DLGAP2: variants seen among roughly 807,000 people sequenced by gnomAD.
DLGAP2 encodes disks large-associated protein 2.
DLGAP2 carries 26 observed loss-of-function variants against 100.3 expected under a neutral mutation model. That is an observed-to-expected ratio of 0.26 (90% confidence interval 0.19 to 0.36). DLGAP2 has a LOEUF of 0.36. DLGAP2 is among the 10% of genes least tolerant of loss of function. The pLI, the probability that DLGAP2 is intolerant of heterozygous loss-of-function variation, is 1.00. For missense variants in DLGAP2, 1,858 were observed against 1,453.2 expected (o/e 1.28, Z -4.53); for synonymous variants, 886 against 630.1 (o/e 1.41, Z -6.08).
chr8:1,318,074 TTAAAAATA>T (rs1800806874), intron 3 of DLGAP2, among the ~76,000 whole-genome samples: 1 of 50,498 alleles, frequency 2.0e-5, no homozygotes, highest in Admixed American at 2.5e-4. Context: ...TCGTCAGTGT[TTAAAAATA>T]GAGCGTGTGC....
At chr8:1,086,685 G>C (rs758643571) in intron 2 of DLGAP2, among the ~76,000 whole-genome samples, 1 of 152,074 alleles carries the variant, frequency 6.6e-6, no homozygotes, top group East Asian at 1.9e-4. Flanking sequence ...AATGATAAAG[G>C]GGTTAATTCA....
In DLGAP2 at chr8:1,013,127, C is replaced by T. The variant is rs920465635; in HGVS notation, c.73+105161C>T. On this transcript the variant is annotated intron_variant, in intron 2 of 14. Coordinates refer to ENST00000637795, the MANE Select transcript of DLGAP2 (RefSeq NM_001346810.2). The stretch of plus-strand genomic sequence containing the variant: ...TCCATTATTATGTCTTTTCCCTGTT[C>T]CAGTTTTTGATCTAGTTACTGAAAG... Among the ~76,000 whole-genome samples, 8 of 152,268 alleles carry T rather than the reference C, an allele frequency of 5.3e-5. No individual in the cohort carries two copies. The East Asian group carries it at 1.2e-3, about 22-fold the overall frequency.
intron 3 of DLGAP2, among the ~76,000 whole-genome samples, chr8:1,447,694 C>G (rs1216304606): frequency 6.6e-6 from 1 of 152,150 alleles, no homozygotes; most frequent in East Asian, 1.9e-4. Context: ...TGGTAGAATT[C>G]GGCTGTGAAT....
chr8:738,473 G>A (rs997997723), intron 1 of DLGAP2: 1 of 152,252 alleles, frequency 6.6e-6, no homozygotes, highest in Non-Finnish European at 1.5e-5. Flanking sequence ...AGGAGCTCGG[G>A]GTCTTTTTTA....
intron 6 of DLGAP2, among the ~76,000 whole-genome samples, chr8:1,617,196 A>G (rs1797183585): frequency 6.6e-6 from 1 of 152,202 alleles, no homozygotes. Flanking sequence ...ATGAATGTGC[A>G]TGTGTTTTAA....
intron 1 of DLGAP2, among the ~76,000 whole-genome samples, chr8:808,732 C>G (rs945459532): frequency 6.6e-6 from 1 of 152,166 alleles, no homozygotes; most frequent in Admixed American, 6.5e-5. Flanking sequence ...AGCCTGCCAG[C>G]CAACCCACCT....
intron 3 of DLGAP2, among the ~76,000 whole-genome samples, chr8:1,376,363 G>T (rs548347196): frequency 7.2e-5 from 11 of 152,196 alleles, no homozygotes; most frequent in African/African-American, 2.7e-4. Flanking sequence ...AGAGAGCATC[G>T]GCCACGGGGG....
chr8:1,441,683 CAAA>C (rs35789497), intron 3 of DLGAP2, among the ~76,000 whole-genome samples: 5 of 74,570 alleles, frequency 6.7e-5, no homozygotes, highest in Non-Finnish European at 3.1e-5. Context: ...GACTCCATCT[CAAA>C]AAAAAAAAAA....
intron 12 of DLGAP2, among the ~76,000 whole-genome samples, chr8:1,684,355 G>C (rs1799058421): frequency 6.6e-6 from 1 of 151,932 alleles, no homozygotes; most frequent in African/African-American, 2.4e-5. Flanking sequence ...ATCAAGTTCA[G>C]ATATTTCCCT....
intron 2 of DLGAP2, among the ~76,000 whole-genome samples, chr8:1,106,747 C>G (rs939845538): frequency 1.3e-5 from 2 of 151,188 alleles, no homozygotes; most frequent in Admixed American, 1.3e-4. Flanking sequence ...GGAGGGTTTT[C>G]TATTGAAGGG....
chr8:1,588,379 G>T (rs986691249), intron 6 of DLGAP2, among the ~76,000 whole-genome samples: 5 of 152,126 alleles, frequency 3.3e-5, no homozygotes, highest in African/African-American at 1.2e-4. Context: ...GTAGAACCCG[G>T]TGCTAACCTT....
rs34602128 is a variant in DLGAP2, at chr8:837,664, ATG to A, written c.19-70226_19-70225del. 2.7e-3 allele frequency among the ~76,000 whole-genome samples: 388 copies of A among 145,968 alleles called. 1 individual carries two copies. The highest frequency in any genetic ancestry group is 7.7e-3 in the African/African-American group (306 of 39,808). On this transcript the variant is annotated intron_variant, in intron 1 of 14. Transcript: ENST00000637795. The stretch of plus-strand genomic sequence containing the variant: ...GCCTTGTAGAAATTTGTTTGTGTGT[ATG>A]TGTGTGTGTGTGTGTGTGTGTATAT...
At chr8:1,136,005 A>C (rs1796402600) in intron 2 of DLGAP2, among the ~76,000 whole-genome samples, 5 of 152,260 alleles carry the variant, frequency 3.3e-5, no homozygotes, top group African/African-American at 9.6e-5. Context: ...CAAAAATCAA[A>C]CTTTATTCAA....
At chr8:989,241 T>G (rs904212987) in intron 2 of DLGAP2, among the ~76,000 whole-genome samples, 3 of 152,138 alleles carry the variant, frequency 2.0e-5, no homozygotes, top group Admixed American at 6.5e-5. Flanking sequence ...GGAGTCCCTC[T>G]GGGTTCCCAG....
chr8:969,626 T>C (rs1289665174), intron 2 of DLGAP2, among the ~76,000 whole-genome samples: 1 of 152,128 alleles, frequency 6.6e-6, no homozygotes, highest in African/African-American at 2.4e-5. Context: ...CCTAGGTACT[T>C]TGTGGGTGCT....
intron 8 of DLGAP2, among the ~76,000 whole-genome samples, chr8:1,639,450 C>T (rs1163720026): frequency 6.6e-6 from 1 of 152,202 alleles, no homozygotes; most frequent in African/African-American, 2.4e-5. Context: ...TGCGGAGCAG[C>T]AGGGGTCCTG....
At chr8:1,211,982 T>G (rs1798115167) in intron 2 of DLGAP2, among the ~76,000 whole-genome samples, 1 of 152,260 alleles carries the variant, frequency 6.6e-6, no homozygotes, top group African/African-American at 2.4e-5. Flanking sequence ...TGACTGGCGC[T>G]GTGGAAACAC....
chr8:1,673,215 T>C (rs1314210896), intron 10 of DLGAP2, among the ~76,000 whole-genome samples: 1 of 152,238 alleles, frequency 6.6e-6, no homozygotes, highest in Non-Finnish European at 1.5e-5. Flanking sequence ...CAAGTGATCC[T>C]ACCCCCTCAG....
intron 2 of DLGAP2, among the ~76,000 whole-genome samples, chr8:1,194,407 C>G (rs1357592294): frequency 2.6e-5 from 4 of 152,156 alleles, no homozygotes; most frequent in African/African-American, 7.2e-5. Flanking sequence ...CTCACCGTGT[C>G]TAGGCAGAGC....
Sources: gnomAD v4.1 joint callset for allele counts (sites outside exome capture counted in the v4.1 genomes callset) on GRCh38, gnomAD v4.1.1 for gene constraint, MANE v1.5 for transcripts, NCBI Gene and HGNC (gene_info 2026-07-23, HGNC 2026-07-21) for gene names.